The following C12orf56 variants were observed in gnomAD, a reference collection of about 807,000 sequenced individuals.
C12orf56 encodes chromosome 12 open reading frame 56, also known as uncharacterized protein C12orf56.
A neutral mutation model predicts 69.9 loss-of-function variants in C12orf56; 71 were observed. The observed-to-expected ratio is 1.02, with a 90% CI of 0.84 to 1.24. The LOEUF (loss-of-function observed/expected upper bound fraction) is 1.24, where lower values mean the gene tolerates loss of function less well. Ranked by LOEUF, C12orf56 falls within the 50% of genes most tolerant of loss-of-function variation. C12orf56 has a pLI of 0.00. For missense variants in C12orf56, 732 were observed against 738.5 expected (o/e 0.99, Z 0.10); for synonymous variants, 276 against 274.1 (o/e 1.01, Z -0.07).
At chr12:64,308,940 G>GAAAGAAAGAAAAAAGAAAAGAAAGA (rs35488127) in intron 5 of C12orf56, among the ~76,000 whole-genome samples, 1 of 80,828 alleles carries the variant, frequency 1.2e-5, no homozygotes, top group Non-Finnish European at 2.5e-5. Context: ...AAGAAAGAAA[G>GAAAGAAAGAAAAAAGAAAAGAAAGA]AAGAAAGAAA....
In C12orf56 at chr12:64,390,592, G is replaced by A. The variant is rs1169130382; in HGVS notation, c.-27C>T. On this transcript the variant is annotated 5_prime_UTR_variant, in exon 1 of 13. Coordinates refer to ENST00000543942, the MANE Select transcript of C12orf56 (RefSeq NM_001170633.2). ...CCCGGCGCCCGCAGCGTGGCGGAGT[G>A]CTGGGACTCGAGGCCCTCAGCTCGC... is the stretch of plus-strand genomic sequence containing the variant. 1 of 1,507,656 alleles carries A rather than the reference G, an allele frequency of 6.6e-7. No individual in the cohort carries two copies. Among genetic ancestry groups the A allele is most frequent in the African/African-American group, 1.4e-5 (1 of 71,080 alleles). 93.4% of individuals were successfully genotyped at this position (1,507,656 alleles called of 1,614,324 possible).
At chr12:64,311,915 G>A (rs949203194) in intron 5 of C12orf56, among the ~76,000 whole-genome samples, 3 of 152,168 alleles carry the variant, frequency 2.0e-5, no homozygotes, top group African/African-American at 4.8e-5. Context: ...GGAAAACACT[G>A]TAGGAGCTCA....
At chr12:64,358,274 A>C (rs972701785) in intron 1 of C12orf56, among the ~76,000 whole-genome samples, 1 of 149,530 alleles carries the variant, frequency 6.7e-6, no homozygotes, top group African/African-American at 2.5e-5. Context: ...CCTGGCCAAC[A>C]TGGTGTAACT....
intron 1 of C12orf56, among the ~76,000 whole-genome samples, chr12:64,360,286 A>G (rs12296146): frequency 0.28 from 42,725 of 151,424 alleles, 6,261 homozygotes; most frequent in Middle Eastern, 0.47. Context: ...TTAGCTGGGC[A>G]TGGTGGCAGG....
At chr12:64,367,376 T>C (rs1308015449) in intron 1 of C12orf56, among the ~76,000 whole-genome samples, 1 of 145,734 alleles carries the variant, frequency 6.9e-6, no homozygotes, top group Non-Finnish European at 1.5e-5. Flanking sequence ...TAGTTTAGTT[T>C]ATATATACAA....
At chr12:64,338,832 GT>G in intron 2 of C12orf56, 2 of 925,424 alleles carry the variant, frequency 2.2e-6, no homozygotes, top group Non-Finnish European at 3.5e-6. Context: ...GCAGGCTCGA[GT>G]TTAGGTTTGA....
intron 3 of C12orf56, among the ~76,000 whole-genome samples, chr12:64,322,644 C>T (rs955923487): frequency 2.0e-5 from 3 of 152,084 alleles, no homozygotes; most frequent in African/African-American, 7.2e-5. Flanking sequence ...TATAGCGAGG[C>T]CCCATTTCTG....
rs2037925970 is a variant in C12orf56, at chr12:64,267,019, C to A, written c.*164G>T. 1 of 525,578 alleles carries A rather than the reference C, an allele frequency of 1.9e-6. No homozygotes were observed. The highest frequency in any genetic ancestry group is 3.2e-6 in the Non-Finnish European group (1 of 308,542). The allele number at this position is 525,578 out of a possible 1,614,324, so 32.6% of individuals were successfully genotyped here. On this transcript the variant is annotated 3_prime_UTR_variant, in exon 13 of 13. Coordinates refer to ENST00000543942, the MANE Select transcript of C12orf56 (RefSeq NM_001170633.2). Reference sequence around the variant, plus strand: ...CAAATTTATTTTTTAAAATTTTAAACTTCTCATAGAGAGGTATTGATGGAA... The same window carrying A: ...CAAATTTATTTTTTAAAATTTTAAAATTCTCATAGAGAGGTATTGATGGAA...
At chr12:64,384,036 A>C (rs2039755885) in intron 1 of C12orf56, among the ~76,000 whole-genome samples, 1 of 152,254 alleles carries the variant, frequency 6.6e-6, no homozygotes, top group South Asian at 2.1e-4. Flanking sequence ...GTTCTGACCT[A>C]TTCACTGTGC....
At chr12:64,314,172 A>G (rs1004210839) in intron 4 of C12orf56, among the ~76,000 whole-genome samples, 2 of 152,004 alleles carry the variant, frequency 1.3e-5, no homozygotes, top group Admixed American at 6.6e-5. Flanking sequence ...TGCAGCCTCA[A>G]ACTCCTGAGC....
chr12:64,383,387 T>A (rs2039746910), intron 1 of C12orf56, among the ~76,000 whole-genome samples: 1 of 151,126 alleles, frequency 6.6e-6, no homozygotes, highest in South Asian at 2.1e-4. Flanking sequence ...AGAGAACCAA[T>A]TTTTTTTTGA....
At chr12:64,319,392 G>A (rs901960192) in intron 3 of C12orf56, among the ~76,000 whole-genome samples, 9 of 152,020 alleles carry the variant, frequency 5.9e-5, no homozygotes, top group Non-Finnish European at 1.0e-4. Flanking sequence ...TGAAGAGAGG[G>A]GTTTTGTTTG....
chr12:64,326,767 G>A (rs7300868), intron 3 of C12orf56, among the ~76,000 whole-genome samples: 67,439 of 150,988 alleles, frequency 0.45, 15,414 homozygotes, highest in African/African-American at 0.54. Flanking sequence ...GAAAGAAATT[G>A]TCACAATGTG....
chr12:64,303,310 A>G (rs1292958235), intron 6 of C12orf56, among the ~76,000 whole-genome samples: 1 of 148,832 alleles, frequency 6.7e-6, no homozygotes, highest in Non-Finnish European at 1.5e-5. Flanking sequence ...CTTAAAATCT[A>G]CTTTCCCATC....
In C12orf56 at chr12:64,270,609, T is replaced by C; in HGVS notation, c.1690A>G (p.Ile564Val). 1 of 1,613,812 alleles carries C rather than the reference T, an allele frequency of 6.2e-7. No individual in the cohort carries two copies. Among genetic ancestry groups the C allele is most frequent in the Non-Finnish European group, 8.5e-7 (1 of 1,179,802 alleles). The change falls in exon 12 of 13, where the codon ATC becomes GTC. Residue 564 changes from isoleucine (I) to valine (V), a missense_variant. Physicochemically the swap from Ile to Val is conservative, Grantham distance 29 (BLOSUM62 3). Coordinates refer to ENST00000543942, the MANE Select transcript of C12orf56 (RefSeq NM_001170633.2). Reference sequence around the variant, plus strand: ...CTGTGCCGCAGACAGCTCTTGAGGATGTAAAATTGCTGGTACAACAGAACT... The same window carrying C: ...CTGTGCCGCAGACAGCTCTTGAGGACGTAAAATTGCTGGTACAACAGAACT... The part of the protein sequence containing the change: ...QAVLLYQQFY[I>V]LKSCLRHSRT...
intron 6 of C12orf56, 111 bp from the exon 7 acceptor site, chr12:64,286,171 G>A (rs1236564090): frequency 9.9e-6 from 7 of 708,234 alleles, no homozygotes; most frequent in Non-Finnish European, 1.6e-5. Context: ...GATTAGAGAA[G>A]TGAATTACAA....
intron 12 of C12orf56, among the ~76,000 whole-genome samples, chr12:64,270,121 G>T (rs984291997): frequency 6.6e-6 from 1 of 152,040 alleles, no homozygotes; most frequent in Non-Finnish European, 1.5e-5. Context: ...AAATAGGCCA[G>T]GTGCGGTGGC....
At chr12:64,359,648 C>A (rs941371744) in intron 1 of C12orf56, among the ~76,000 whole-genome samples, 3 of 152,082 alleles carry the variant, frequency 2.0e-5, no homozygotes, top group African/African-American at 7.2e-5. Context: ...GAGCACTGAA[C>A]AGGGCAGGAA....
intron 2 of C12orf56, chr12:64,338,278 C>A (rs1163439448): frequency 1.9e-6 from 1 of 522,462 alleles, no homozygotes; most frequent in East Asian, 4.9e-5. Context: ...TATTGGAAAC[C>A]TTTATGTTAC....
Sources: allele counts gnomAD v4.1 joint callset (sites outside exome capture counted in the v4.1 genomes callset), GRCh38; gene constraint gnomAD v4.1.1; transcripts MANE v1.5; gene names NCBI Gene and HGNC (gene_info 2026-07-23, HGNC 2026-07-21).